ATXN7L1: variants seen among roughly 807,000 people sequenced by gnomAD.
ATXN7L1 encodes the protein ataxin-7-like protein 1.
ATXN7L1 carries 15 observed loss-of-function variants against 70.8 expected under a neutral mutation model. The observed-to-expected ratio is 0.21, with a 90% CI of 0.14 to 0.33. The LOEUF is 0.33. Among genes scored for constraint, ATXN7L1 ranks in the 10% least tolerant of loss-of-function variants. The pLI is 1.00. For missense variants in ATXN7L1, 975 were observed against 1,097.1 expected, an observed-to-expected ratio of 0.89 and a Z score of 1.57; for synonymous variants, 440 against 445.1, an observed-to-expected ratio of 0.99 and a Z score of 0.14.
rs751432843 is a variant in ATXN7L1, at chr7:105,638,373, T to C, written c.1182A>G (p.Pro394=). The C allele has an allele frequency of 5.5e-5, 85 of 1,551,722 alleles. No individual in the cohort carries two copies. The Admixed American group carries it at 6.9e-4, about 13-fold the overall frequency. ...CTTACCTAGGAAGTACAGAGTTGGGTGGTCTGGATTTTGCAGGGGATGCAA... is the reference window on the plus strand; with the variant it reads ...CTTACCTAGGAAGTACAGAGTTGGGCGGTCTGGATTTTGCAGGGGATGCAA... ...PKVASPAKSR[P]PNSVLPRPSS... Residue 394 remains proline, a synonymous_variant, in exon 7 of 12, where the codon CCA becomes CCG. Coordinates refer to ENST00000419735, the MANE Select transcript of ATXN7L1 (RefSeq NM_020725.2).
intron 4 of ATXN7L1, 137 bp from the exon 5 acceptor site, chr7:105,643,258 G>T: frequency 1.9e-6 from 2 of 1,072,544 alleles, no homozygotes; most frequent in Non-Finnish European, 2.6e-6. Flanking sequence ...AGCAGCATGA[G>T]TCCAGTTTTG....
Position 105,787,402 on chromosome 7 carries a change from GA to G in ATXN7L1, c.355+1201del, listed in dbSNP as rs1804467694. Among the ~76,000 whole-genome samples, 2 of 152,142 alleles carry G rather than the reference GA, an allele frequency of 1.3e-5. 1 individual carries two copies. Among genetic ancestry groups the G allele is most frequent in the South Asian group, 4.1e-4 (2 of 4,828 alleles). On this transcript the variant is annotated intron_variant, in intron 3 of 11. Coordinates refer to ENST00000419735, the MANE Select transcript of ATXN7L1 (RefSeq NM_020725.2). ...CCCTTGCTTTGCCTTGTGCTGGTTT[GA>G]AAGTCCTGGACTCACTCCCAGAGGT...
At chr7:105,751,739 G>A (rs1019720632) in intron 3 of ATXN7L1, among the ~76,000 whole-genome samples, 5 of 152,204 alleles carry the variant, frequency 3.3e-5, no homozygotes, top group African/African-American at 9.7e-5. Context: ...CTCCTCAGGG[G>A]CCTCCCATTT....
intron 3 of ATXN7L1, among the ~76,000 whole-genome samples, chr7:105,740,018 C>A (rs752497073): frequency 6.6e-6 from 1 of 152,212 alleles, no homozygotes; most frequent in Non-Finnish European, 1.5e-5. Context: ...AGACTATATA[C>A]TGTATATATA....
intron 3 of ATXN7L1, among the ~76,000 whole-genome samples, chr7:105,717,138 A>AT (rs1399170400): frequency 1.5e-4 from 23 of 151,914 alleles, no homozygotes; most frequent in Non-Finnish European, 7.4e-5. Flanking sequence ...AAATTTATTT[A>AT]TTTTTTTGAG....
intron 3 of ATXN7L1, among the ~76,000 whole-genome samples, chr7:105,669,248 A>AT (rs1322708424): frequency 1.3e-5 from 2 of 151,822 alleles, no homozygotes; most frequent in Non-Finnish European, 2.9e-5. Flanking sequence ...TGCCTGACTT[A>AT]TTTTTGTATT....
chr7:105,777,370 T>C (rs555528274), intron 3 of ATXN7L1, among the ~76,000 whole-genome samples: 4 of 152,366 alleles, frequency 2.6e-5, no homozygotes, highest in South Asian at 4.1e-4. Flanking sequence ...CAATTGGCTA[T>C]TGTCAAGGCC....
intron 3 of ATXN7L1, among the ~76,000 whole-genome samples, chr7:105,786,748 C>G (rs768537003): frequency 6.6e-6 from 1 of 152,030 alleles, no homozygotes; most frequent in Non-Finnish European, 1.5e-5. Flanking sequence ...CTCTTGGCCT[C>G]AAGTGATCCT....
intron 2 of ATXN7L1, among the ~76,000 whole-genome samples, chr7:105,822,227 C>T (rs915556246): frequency 5.3e-5 from 8 of 152,156 alleles, no homozygotes; most frequent in African/African-American, 1.9e-4. Context: ...TGCTTGAGTC[C>T]AGGAGTTTAA....
chr7:105,610,541 T>C lies in ATXN7L1; in HGVS notation c.2535A>G (p.Gly845=), dbSNP rs753396589. The change falls in exon 11 of 12, where the codon GGA becomes GGG. Residue 845 remains glycine (G), a synonymous_variant. Coordinates refer to ENST00000419735, the MANE Select transcript of ATXN7L1 (RefSeq NM_020725.2). ...QSSPSSISSP[G]HSRQNTNRTG... is the part of the protein sequence containing the mutation. ...CTCAGTAACTTACCTGTCGGCTGTGTCCTGGGCTGGATATACTTGAAGGAC... is the reference window on the plus strand; with the variant it reads ...CTCAGTAACTTACCTGTCGGCTGTGCCCTGGGCTGGATATACTTGAAGGAC... The C allele has an allele frequency of 6.4e-7, 1 of 1,551,162 alleles. No individual in the cohort carries two copies. The highest frequency in any genetic ancestry group is 1.2e-5 in the South Asian group (1 of 84,010).
At chr7:105,696,065 C>G (rs1364628558) in intron 3 of ATXN7L1, among the ~76,000 whole-genome samples, 1 of 152,190 alleles carries the variant, frequency 6.6e-6, no homozygotes, top group Non-Finnish European at 1.5e-5. Context: ...CTGCCACGCC[C>G]TTATAAATCT....
At chr7:105,637,369 T>C (rs937365324) in intron 7 of ATXN7L1, among the ~76,000 whole-genome samples, 3 of 152,240 alleles carry the variant, frequency 2.0e-5, no homozygotes, top group African/African-American at 7.2e-5. Flanking sequence ...TTGCTACCCG[T>C]TGAGATTCAC....
At chr7:105,848,771 C>A (rs954501519) in intron 2 of ATXN7L1, among the ~76,000 whole-genome samples, 4 of 152,112 alleles carry the variant, frequency 2.6e-5, no homozygotes, top group African/African-American at 9.7e-5. Context: ...TCATGGAGGT[C>A]CAGGCCCTCC....
intron 2 of ATXN7L1, among the ~76,000 whole-genome samples, chr7:105,807,870 A>G (rs1362538259): frequency 1.3e-5 from 2 of 152,244 alleles, no homozygotes; most frequent in African/African-American, 4.8e-5. Flanking sequence ...CCACAGAATC[A>G]TAGTAAGTAA....
intron 11 of ATXN7L1, 53 bp from the exon 12 acceptor site, chr7:105,607,943 C>T: frequency 6.8e-7 from 1 of 1,479,198 alleles, no homozygotes; most frequent in Middle Eastern, 1.7e-4. Context: ...TTGAGATTAC[C>T]CATGAGAATT....
intron 10 of ATXN7L1, chr7:105,613,362 C>T (rs148398309): frequency 3.1e-4 from 124 of 396,620 alleles, no homozygotes; most frequent in Middle Eastern, 1.3e-3. Context: ...GACAATCACC[C>T]GGGAGCCGGG....
intron 3 of ATXN7L1, among the ~76,000 whole-genome samples, chr7:105,743,734 A>T (rs2116366928): frequency 2.0e-5 from 3 of 152,346 alleles, no homozygotes; most frequent in Admixed American, 2.0e-4. Flanking sequence ...TCCTTTCAGA[A>T]TCAGTCAGCA....
chr7:105,668,071 G>T (rs1356401603), intron 3 of ATXN7L1, among the ~76,000 whole-genome samples: 2 of 152,070 alleles, frequency 1.3e-5, no homozygotes, highest in African/African-American at 2.4e-5. Context: ...CGTTTATTTT[G>T]CTAAACTAAG....
At chr7:105,659,663 C>T (rs1801267370) in intron 4 of ATXN7L1, among the ~76,000 whole-genome samples, 1 of 152,064 alleles carries the variant, frequency 6.6e-6, no homozygotes, top group Non-Finnish European at 1.5e-5. Flanking sequence ...TTAGCAGACC[C>T]AGTGCCCTCA....
Sources: gnomAD v4.1 joint callset for allele counts (sites outside exome capture counted in the v4.1 genomes callset) on GRCh38, gnomAD v4.1.1 for gene constraint, MANE v1.5 for transcripts, NCBI Gene and HGNC (gene_info 2026-07-23, HGNC 2026-07-21) for gene names.